Variants in KIAA1217 observed in about 807,000 individuals in gnomAD.
The protein encoded by KIAA1217 is KIAA1217, also known as sickle tail protein homolog.
A neutral mutation model predicts 163.9 loss-of-function variants in KIAA1217; 88 were observed. The ratio of observed to expected loss-of-function variants is 0.54; its 90% confidence interval spans 0.45 to 0.64. The LOEUF is 0.64. Ranked by LOEUF, KIAA1217 falls within the 30% of genes least tolerant of loss-of-function variation. The pLI, the probability that KIAA1217 is intolerant of heterozygous loss-of-function variation, is 0.00. For missense variants in KIAA1217, 2,372 were observed against 2,475.0 expected (o/e 0.96, Z 0.88); for synonymous variants, 903 against 923.1 (o/e 0.98, Z 0.39).
intron 6 of KIAA1217, among the ~76,000 whole-genome samples, chr10:24,483,645 C>T (rs2064985311): frequency 6.6e-6 from 1 of 152,128 alleles, no homozygotes; most frequent in African/African-American, 2.4e-5. Context: ...TCCACAGTCA[C>T]CATGAGGTCC....
At chr10:23,892,359 T>C (rs1841451678) in intron 1 of KIAA1217, among the ~76,000 whole-genome samples, 2 of 151,976 alleles carry the variant, frequency 1.3e-5, no homozygotes, top group South Asian at 4.1e-4. Flanking sequence ...TCTGGTTTCT[T>C]TAAACTTAGG....
chr10:24,032,837 T>C (rs113555110), intron 2 of KIAA1217, among the ~76,000 whole-genome samples: 277 of 152,332 alleles, frequency 1.8e-3, no homozygotes, highest in Non-Finnish European at 3.0e-3. Context: ...AGCTTATTTT[T>C]ACCTCAGGAT....
At chr10:24,484,224 C>CATATATATATATATATATAT (rs1170144059) in intron 6 of KIAA1217, among the ~76,000 whole-genome samples, 19 of 90,524 alleles carry the variant, frequency 2.1e-4, no homozygotes, top group African/African-American at 6.6e-4. Flanking sequence ...GATAGATATA[C>CATATATATATATATATATAT]ATATATATAT....
At chr10:23,973,113 AT>A (rs969998446) in intron 1 of KIAA1217, among the ~76,000 whole-genome samples, 2 of 152,152 alleles carry the variant, frequency 1.3e-5, no homozygotes, top group Non-Finnish European at 2.9e-5. Flanking sequence ...GCCATCTTTG[AT>A]TTTTTTCTCT....
intron 1 of KIAA1217, among the ~76,000 whole-genome samples, chr10:23,992,754 C>T (rs967608614): frequency 1.3e-5 from 2 of 151,606 alleles, no homozygotes; most frequent in Non-Finnish European, 2.9e-5. Flanking sequence ...TTGGCCCCTA[C>T]AAATGCACGA....
At chr10:24,202,809 T>C (rs2067334504) in intron 2 of KIAA1217, among the ~76,000 whole-genome samples, 1 of 152,212 alleles carries the variant, frequency 6.6e-6, no homozygotes, top group African/African-American at 2.4e-5. Flanking sequence ...ATGGCCGAAC[T>C]GCATGATGCC....
intron 2 of KIAA1217, among the ~76,000 whole-genome samples, chr10:24,167,920 C>A (rs1032265238): frequency 6.6e-6 from 1 of 152,086 alleles, no homozygotes; most frequent in African/African-American, 2.4e-5. Flanking sequence ...AGATGGGAGC[C>A]AAACTCACTT....
At chr10:24,058,831 G>T (rs1023836238) in intron 2 of KIAA1217, among the ~76,000 whole-genome samples, 1 of 152,112 alleles carries the variant, frequency 6.6e-6, no homozygotes, top group African/African-American at 2.4e-5. Context: ...GTCATCTGCA[G>T]AGGAGGATAA....
chr10:24,169,721 C>G (rs1288991852), intron 2 of KIAA1217, among the ~76,000 whole-genome samples: 2 of 152,092 alleles, frequency 1.3e-5, no homozygotes, highest in Admixed American at 6.6e-5. Flanking sequence ...TACCAGGACC[C>G]TTCCAAGGAA....
At chr10:23,841,891 G>A (rs1838805556) in intron 1 of KIAA1217, among the ~76,000 whole-genome samples, 1 of 145,538 alleles carries the variant, frequency 6.9e-6, no homozygotes, top group Admixed American at 6.9e-5. Flanking sequence ...ATTTTGAGAT[G>A]GAGTCTCACT....
chr10:24,392,090 G>C (rs1026185069), intron 3 of KIAA1217, among the ~76,000 whole-genome samples: 1 of 152,112 alleles, frequency 6.6e-6, no homozygotes, highest in Non-Finnish European at 1.5e-5. Flanking sequence ...ATTAATACAA[G>C]TAGCTGTTGG....
chr10:24,501,898 G>A (rs901340554), intron 9 of KIAA1217, among the ~76,000 whole-genome samples: 1 of 151,498 alleles, frequency 6.6e-6, no homozygotes, highest in Non-Finnish European at 1.5e-5. Context: ...ACAGGCGCCC[G>A]CCACCACGCC....
At chr10:24,232,080 C>T (rs374854008) in intron 2 of KIAA1217, among the ~76,000 whole-genome samples, 1 of 152,282 alleles carries the variant, frequency 6.6e-6, no homozygotes, top group South Asian at 2.1e-4. Context: ...CAGGCGTGAG[C>T]CACTGCACGT....
intron 1 of KIAA1217, among the ~76,000 whole-genome samples, chr10:23,725,459 T>C (rs1838084972): frequency 6.6e-6 from 1 of 152,216 alleles, no homozygotes; most frequent in Non-Finnish European, 1.5e-5. Context: ...CCCCATCCTT[T>C]ACAGGCTGTG....
intron 1 of KIAA1217, among the ~76,000 whole-genome samples, chr10:23,836,243 G>A (rs1434929472): frequency 1.3e-5 from 2 of 151,882 alleles, no homozygotes; most frequent in Non-Finnish European, 2.9e-5. Context: ...TACTTTTCTT[G>A]TTTTATTGCC....
At chr10:23,983,240 T>C (rs1023588888) in intron 1 of KIAA1217, among the ~76,000 whole-genome samples, 102 of 152,172 alleles carry the variant, frequency 6.7e-4, no homozygotes, top group African/African-American at 2.3e-3. Flanking sequence ...CTGCAAAGTC[T>C]CATAGCAGAG....
intron 2 of KIAA1217, among the ~76,000 whole-genome samples, chr10:24,374,827 C>T (rs530901205): frequency 6.6e-6 from 1 of 152,250 alleles, no homozygotes; most frequent in South Asian, 2.1e-4. Flanking sequence ...TGTTCTTTCT[C>T]CCAGGCTGAT....
At chr10:23,987,608 T>C (rs1846037854) in intron 1 of KIAA1217, among the ~76,000 whole-genome samples, 1 of 103,362 alleles carries the variant, frequency 9.7e-6, no homozygotes, top group Non-Finnish European at 1.8e-5. Context: ...CTTATTTGTG[T>C]GTGTGTGTGT....
At chr10:24,429,795 T>C (rs2059446290) in intron 3 of KIAA1217, among the ~76,000 whole-genome samples, 1 of 152,112 alleles carries the variant, frequency 6.6e-6, no homozygotes, top group African/African-American at 2.4e-5. Flanking sequence ...TATATGTGGG[T>C]CTGGCTGCTT....
Sources: allele counts gnomAD v4.1 joint callset (sites outside exome capture counted in the v4.1 genomes callset), GRCh38; gene constraint gnomAD v4.1.1; transcripts MANE v1.5; gene names NCBI Gene and HGNC (gene_info 2026-07-23, HGNC 2026-07-21).